RP1: variants seen among roughly 807,000 people sequenced by gnomAD.
The protein encoded by RP1 is RP1 axonemal microtubule associated.
A neutral mutation model predicts 14.8 loss-of-function variants in RP1; 16 were observed. That is an observed-to-expected ratio of 1.08 (90% CI 0.73 to 1.65). The LOEUF is 1.65. RP1 is among the 40% of genes most tolerant of loss of function. The probability of loss-of-function intolerance (pLI) is 0.00; values close to 1 mark genes in which losing one functional copy is unlikely to be tolerated. For missense variants in RP1, 2,631 were observed against 2,535.0 expected (o/e 1.04, Z -0.81); for synonymous variants, 876 against 883.6 (o/e 0.99, Z 0.15).
chr8:54,562,499 C>T (rs1804307793), intron 1 of RP1, among the ~76,000 whole-genome samples: 1 of 151,906 alleles, frequency 6.6e-6, no homozygotes, highest in African/African-American at 2.4e-5. Context: ...CAGGATGAAA[C>T]CCTGTTGCTA....
intron 15 of RP1, among the ~76,000 whole-genome samples, chr8:54,708,828 T>C (rs1808225558): frequency 6.6e-6 from 1 of 152,212 alleles, no homozygotes; most frequent in African/African-American, 2.4e-5. Context: ...TCATGCTTTT[T>C]CTTCCTATTT....
chr8:54,582,666 T>C (rs1804824552), intron 1 of RP1, among the ~76,000 whole-genome samples: 1 of 152,166 alleles, frequency 6.6e-6, no homozygotes, highest in Admixed American at 6.5e-5. Context: ...GTTTGTATCC[T>C]CTTTTATTTC....
intron 24 of RP1, among the ~76,000 whole-genome samples, chr8:54,833,129 T>C (rs1000516234): frequency 6.6e-6 from 1 of 151,992 alleles, no homozygotes; most frequent in Non-Finnish European, 1.5e-5. Context: ...TCACCTACTT[T>C]TGTTCCCTCC....
At chr8:54,708,117 C>T (rs148983984) in intron 15 of RP1, among the ~76,000 whole-genome samples, 268 of 152,258 alleles carry the variant, frequency 1.8e-3, no homozygotes, top group African/African-American at 5.7e-3. Flanking sequence ...TTCTGGGGCT[C>T]GCAGGAGTGT....
intron 18 of RP1, among the ~76,000 whole-genome samples, chr8:54,736,549 A>C (rs1373280075): frequency 1.3e-5 from 2 of 152,300 alleles, no homozygotes; most frequent in African/African-American, 4.8e-5. Flanking sequence ...GTAGATGGGA[A>C]GTGCTCTACA....
rs373109791 is a variant in RP1, at chr8:54,628,209, C to T, written c.4327C>T (p.Arg1443Trp). Residue 1443 changes from arginine to tryptophan, a missense_variant, in exon 4 of 4, where the codon CGG (arginine) becomes TGG (tryptophan). By Grantham distance (101) the Arg-to-Trp change is moderately radical. Transcript: ENST00000220676. ...AYTSFDMEEP[R>W]TSEEPGSITN... ...TACTTCCTTTGATATGGAAGAACCA[C>T]GGACTTCTGAAGAACCAGGCTCAAT... The T allele has an allele frequency of 5.8e-5, 93 of 1,613,914 alleles. No individual in the cohort carries two copies. Among genetic ancestry groups the T allele is most frequent in the Non-Finnish European group, 6.8e-5 (80 of 1,179,890 alleles).
Position 54,625,090 on chromosome 8 carries a change from G to A in RP1, c.1208G>A (p.Ser403Asn). 6.2e-7 allele frequency: 1 copy of A among 1,614,200 alleles called. No individual in the cohort carries two copies. The highest frequency in any genetic ancestry group is 8.5e-7 in the Non-Finnish European group (1 of 1,180,036). ...PMERSSNQEG[S>N]LAEEINIQMT... ...GAGCGAAGCAGTAATCAAGAGGGCA[G>A]TTTGGCAGAGGAGATAAACATTCAA... Residue 403 changes from serine to asparagine, a missense_variant, in exon 4 of 4, where the codon AGT becomes AAT. Transcript: ENST00000220676.
intron 1 of RP1, among the ~76,000 whole-genome samples, chr8:54,584,206 G>T (rs1804861986): frequency 6.6e-6 from 1 of 152,134 alleles, no homozygotes; most frequent in South Asian, 2.1e-4. Context: ...TTGTGTCTTT[G>T]TTCTCATTGG....
intron 24 of RP1, among the ~76,000 whole-genome samples, chr8:54,790,937 A>C (rs1810449958): frequency 6.6e-6 from 1 of 152,218 alleles, no homozygotes. Flanking sequence ...AAGCCTATTT[A>C]AAGAAATGAT....
At chr8:54,794,501 T>C (rs1810537427) in intron 24 of RP1, among the ~76,000 whole-genome samples, 1 of 144,058 alleles carries the variant, frequency 6.9e-6, no homozygotes, top group African/African-American at 2.5e-5. Flanking sequence ...AATATTACCT[T>C]TTTCAATAAG....
chr8:54,863,356 G>A (rs1052381572), intron 27 of RP1, among the ~76,000 whole-genome samples: 15 of 152,116 alleles, frequency 9.9e-5, no homozygotes, highest in African/African-American at 3.6e-4. Context: ...TGTAGTAGAC[G>A]ATACCATCTA....
At chr8:54,679,656 C>T (rs1807379453) in intron 11 of RP1, 3 of 1,534,054 alleles carry the variant, frequency 2.0e-6, no homozygotes, top group Admixed American at 2.0e-5. Context: ...TTTAGATTAT[C>T]TCATATAAAC....
chr8:54,762,011 C>T (rs1809651792), intron 22 of RP1, among the ~76,000 whole-genome samples: 2 of 152,204 alleles, frequency 1.3e-5, no homozygotes, highest in South Asian at 4.1e-4. Flanking sequence ...GGTCAGTGTC[C>T]ATGGAGCCTG....
At chr8:54,803,283 G>A (rs562131674) in intron 24 of RP1, among the ~76,000 whole-genome samples, 1 of 152,192 alleles carries the variant, frequency 6.6e-6, no homozygotes, top group East Asian at 1.9e-4. Flanking sequence ...CTCGTGGACG[G>A]GACTGGAGAG....
intron 1 of RP1, among the ~76,000 whole-genome samples, chr8:54,581,556 T>C (rs1329621969): frequency 1.3e-5 from 2 of 152,226 alleles, no homozygotes; most frequent in Non-Finnish European, 2.9e-5. Context: ...GTATTTCTAG[T>C]TCTAGATCCC....
intron 19 of RP1, among the ~76,000 whole-genome samples, chr8:54,747,010 C>A (rs1187344394): frequency 2.6e-5 from 4 of 152,180 alleles, no homozygotes; most frequent in Non-Finnish European, 4.4e-5. Context: ...CCCTTCCCTC[C>A]AAAATCCAAT....
At chr8:54,745,575 T>C (rs1451551286) in intron 19 of RP1, among the ~76,000 whole-genome samples, 2 of 152,214 alleles carry the variant, frequency 1.3e-5, no homozygotes, top group Non-Finnish European at 2.9e-5. Flanking sequence ...AAATGAATTT[T>C]AGTTTTTACT....
At chr8:54,691,736 T>G (rs937124329) in intron 12 of RP1, among the ~76,000 whole-genome samples, 1 of 152,032 alleles carries the variant, frequency 6.6e-6, no homozygotes. Context: ...TAAAAATCAC[T>G]GATAAAATGC....
intron 1 of RP1, among the ~76,000 whole-genome samples, chr8:54,576,421 G>A (rs1016219762): frequency 1.3e-5 from 2 of 152,330 alleles, no homozygotes; most frequent in African/African-American, 4.8e-5. Flanking sequence ...AACTTCATTT[G>A]CAGCCACAGA....
Sources: gnomAD v4.1 joint callset for allele counts (sites outside exome capture counted in the v4.1 genomes callset) on GRCh38, gnomAD v4.1.1 for gene constraint, MANE v1.5 for transcripts, NCBI Gene and HGNC (gene_info 2026-07-23, HGNC 2026-07-21) for gene names.